The following SLC35F2 variants were observed in gnomAD, a reference collection of about 807,000 sequenced individuals.
The protein encoded by SLC35F2 is solute carrier family 35 member F2, also known as queuine/queuosine transporter SLC35F2.
SLC35F2 carries 25 observed loss-of-function variants against 38.1 expected under a neutral mutation model. The ratio of observed to expected loss-of-function variants is 0.66; its 90% CI spans 0.48 to 0.92. SLC35F2 has a LOEUF of 0.92. Among genes scored for constraint, SLC35F2 ranks in the 40% least tolerant of loss-of-function variants. The pLI, the probability that SLC35F2 is intolerant of heterozygous loss-of-function variation, is 0.00. For synonymous variants in SLC35F2, 173 were observed against 181.7 expected, an observed-to-expected ratio of 0.95 and a Z score of 0.38; for missense variants, 409 against 452.9, an observed-to-expected ratio of 0.90 and a Z score of 0.88.
chr11:107,825,717 G>A lies in SLC35F2; in HGVS notation c.111-9752C>T, dbSNP rs565750292. On this transcript the variant is annotated intron_variant, in intron 1 of 7. Coordinates refer to ENST00000525815, the MANE Select transcript of SLC35F2 (RefSeq NM_017515.5). ...GCTCTCAGGAGATACTTATGCTGCT[G>A]GTCCACGGACCAGACTTTGAGTGAG... Among the ~76,000 whole-genome samples the A allele has an allele frequency of 1.1e-4, 17 of 152,190 alleles. 1 individual carries two copies. In the South Asian group the frequency reaches 3.3e-3, roughly 30 times the overall value.
At chr11:107,824,705 T>C (rs954063383) in intron 1 of SLC35F2, among the ~76,000 whole-genome samples, 5 of 152,360 alleles carry the variant, frequency 3.3e-5, no homozygotes, top group Middle Eastern at 3.4e-3. Context: ...TAAGGGTTAA[T>C]TGATGTAACC....
At chr11:107,799,424 A>G (rs1176572434) in intron 7 of SLC35F2, among the ~76,000 whole-genome samples, 1 of 152,184 alleles carries the variant, frequency 6.6e-6, no homozygotes, top group South Asian at 2.1e-4. Context: ...CAACTGCTAT[A>G]TAGAAACACC....
At chr11:107,796,599 G>A (rs114403593) in intron 7 of SLC35F2, among the ~76,000 whole-genome samples, 587 of 152,284 alleles carry the variant, frequency 3.9e-3, no homozygotes, top group African/African-American at 0.013. Flanking sequence ...GTAGAGCATA[G>A]AATGACAGAT....
chr11:107,803,774 T>TC (rs1859352856), intron 6 of SLC35F2, among the ~76,000 whole-genome samples: 1 of 34,896 alleles, frequency 2.9e-5, no homozygotes, highest in Non-Finnish European at 5.8e-5. Flanking sequence ...CATCCCATAC[T>TC]CAACACACAC....
intron 1 of SLC35F2, chr11:107,821,317 A>T (rs907156598): frequency 1.4e-5 from 11 of 805,984 alleles, no homozygotes; most frequent in Non-Finnish European, 1.7e-5. Context: ...TCCAACTATA[A>T]AGTAAAACTA....
chr11:107,815,684 A>C, intron 2 of SLC35F2, 106 bp downstream of exon 2: 3 of 1,257,286 alleles, frequency 2.4e-6, no homozygotes, highest in Non-Finnish European at 1.1e-6. Context: ...AGAATTGTGC[A>C]TAAGTCTCCA....
chr11:107,803,511 T>G (rs1859346886), intron 6 of SLC35F2: 1 of 984,804 alleles, frequency 1.0e-6, no homozygotes, highest in African/African-American at 1.7e-5. Flanking sequence ...AATCAACATC[T>G]CATGTCAAGA....
At chr11:107,804,621 A>G in intron 6 of SLC35F2, 97 bp downstream of exon 6, 1 of 921,994 alleles carries the variant, frequency 1.1e-6, no homozygotes. Flanking sequence ...TGGATTTTAC[A>G]AAGACGTCTA....
chr11:107,816,447 A>ATTTT lies in SLC35F2; in HGVS notation c.111-486_111-483dup, dbSNP rs5794572. 4.8e-4 allele frequency among the ~76,000 whole-genome samples: 57 copies of ATTTT among 118,284 alleles called. 2 individuals are homozygous for ATTTT. Among genetic ancestry groups the ATTTT allele is most frequent in the African/African-American group, 1.3e-3 (38 of 28,846 alleles). 77.6% of individuals were successfully genotyped at this position (118,284 alleles called of 152,430 possible). ...AGGCACATGCCACCATGCCCAGCTA[A>ATTTT]TTTTTTTTTTTTTTTTTTTTGTGGA... On this transcript the variant is annotated intron_variant, in intron 1 of 7. Coordinates refer to ENST00000525815, the MANE Select transcript of SLC35F2 (RefSeq NM_017515.5).
chr11:107,817,997 C>T (rs1364341561), intron 1 of SLC35F2, among the ~76,000 whole-genome samples: 1 of 143,156 alleles, frequency 7.0e-6, no homozygotes, highest in Non-Finnish European at 1.5e-5. Context: ...GCGGAGTTTG[C>T]AGTGAGCCGA....
chr11:107,831,982 C>T (rs1403504803), intron 1 of SLC35F2, among the ~76,000 whole-genome samples: 1 of 152,156 alleles, frequency 6.6e-6, no homozygotes, highest in Non-Finnish European at 1.5e-5. Flanking sequence ...TTACCCTATA[C>T]ATTATAACAC....
Position 107,858,700 on chromosome 11 carries a change from A to C in SLC35F2, c.68T>G (p.Phe23Cys), listed in dbSNP as rs769088624. The change falls in exon 1 of 8, where the codon TTC (phenylalanine) becomes TGC (cysteine). Residue 23 changes from phenylalanine (F) to cysteine (C), a missense_variant. Coordinates refer to ENST00000525815, the MANE Select transcript of SLC35F2 (RefSeq NM_017515.5). ...TTTTATCCTGCGCAGCAGGCTGGAG[A>C]ACTCGGCCGCCGCTCCCTCCGCGAG... ...EPLAEGAAAEFSSLLRRIKGK... is the reference protein window; with the variant it reads ...EPLAEGAAAECSSLLRRIKGK... The C allele has an allele frequency of 8.5e-6, 11 of 1,300,784 alleles. No homozygotes were observed. The African/African-American group carries it at 1.5e-4, about 18-fold the overall frequency. The allele number at this position is 1,300,784 out of a possible 1,614,324, so 80.6% of individuals were successfully genotyped here.
In SLC35F2 at chr11:107,809,990, G is replaced by A. The variant is rs982297079; in HGVS notation, c.414+1677C>T. On this transcript the variant is annotated intron_variant, in intron 3 of 7. Coordinates refer to ENST00000525815, the MANE Select transcript of SLC35F2 (RefSeq NM_017515.5). ...ACCTGGGCCACATCATCATCTTCAC[G>A]TGAACTATCCCATGACTGTTGGTAA... 3.3e-5 allele frequency: 33 copies of A among 985,322 alleles called. No individual in the cohort carries two copies. In the South Asian group the frequency reaches 8.0e-4, roughly 24 times the overall value. 61.0% of individuals were successfully genotyped at this position (985,322 alleles called of 1,614,324 possible). A position where few individuals can be genotyped will look rare whatever the true frequency, so the allele number is the denominator to read the frequency against.
chr11:107,792,824 A>T (rs1859154348), intron 7 of SLC35F2, 24 bp from the exon 8 acceptor site: 1 of 1,536,590 alleles, frequency 6.5e-7, no homozygotes, highest in Admixed American at 2.0e-5. Context: ...ACAGGCAGTG[A>T]ATTGTGCCCC....
chr11:107,834,754 T>C lies in SLC35F2; in HGVS notation c.111-18789A>G, dbSNP rs1212472621. 2.0e-5 allele frequency among the ~76,000 whole-genome samples: 3 copies of C among 152,214 alleles called. No homozygotes were observed. The East Asian group carries it at 5.8e-4, about 29-fold the overall frequency. Reference sequence around the variant, plus strand: ...TCTCTCTATAAATGCCCAAACTTTATCTGATCATATATACTCATATCATAT... The same window carrying C: ...TCTCTCTATAAATGCCCAAACTTTACCTGATCATATATACTCATATCATAT... On this transcript the variant is annotated intron_variant, in intron 1 of 7. Coordinates refer to ENST00000525815, the MANE Select transcript of SLC35F2 (RefSeq NM_017515.5).
chr11:107,844,622 C>CACTA (rs1860072691), intron 1 of SLC35F2, among the ~76,000 whole-genome samples: 2 of 134,862 alleles, frequency 1.5e-5, no homozygotes, highest in East Asian at 4.5e-4. Context: ...ACTCCTTCTC[C>CACTA]AATAAATAAA....
At chr11:107,850,345 A>G (rs1229809635) in intron 1 of SLC35F2, among the ~76,000 whole-genome samples, 1 of 152,220 alleles carries the variant, frequency 6.6e-6, no homozygotes, top group Non-Finnish European at 1.5e-5. Flanking sequence ...ACTCTGTAGC[A>G]GGTAAAAACA....
chr11:107,837,685 G>A (rs1161650950), intron 1 of SLC35F2, among the ~76,000 whole-genome samples: 3 of 151,944 alleles, frequency 2.0e-5, no homozygotes, highest in African/African-American at 7.3e-5. Context: ...CAGAGTGAGA[G>A]TTTGTCTCAA....
chr11:107,816,071 A>G, intron 1 of SLC35F2, 106 bp from the exon 2 acceptor site: 1 of 1,319,366 alleles, frequency 7.6e-7, no homozygotes, highest in Non-Finnish European at 9.7e-7. Context: ...CACAAAGGGA[A>G]ATGCTAATTA....
Sources: allele counts gnomAD v4.1 joint callset (sites outside exome capture counted in the v4.1 genomes callset), GRCh38; gene constraint gnomAD v4.1.1; transcripts MANE v1.5; gene names NCBI Gene and HGNC (gene_info 2026-07-23, HGNC 2026-07-21).